SLFN5: variants seen among roughly 807,000 people sequenced by gnomAD.
The protein encoded by SLFN5 is schlafen family member 5.
SLFN5 carries 34 observed loss-of-function variants against 48.5 expected under a neutral mutation model. That is an observed-to-expected ratio of 0.70 (90% CI 0.53 to 0.93). The LOEUF (loss-of-function observed/expected upper bound fraction) is 0.93. SLFN5 is among the 40% of genes least tolerant of loss of function. The probability of loss-of-function intolerance (pLI) is 0.00; values close to 1 mark genes in which losing one functional copy is unlikely to be tolerated. For synonymous variants in SLFN5, 387 were observed against 396.2 expected, an observed-to-expected ratio of 0.98 and a Z score of 0.28; for missense variants, 1,006 against 1,071.3, an observed-to-expected ratio of 0.94 and a Z score of 0.85.
intron 2 of SLFN5, among the ~76,000 whole-genome samples, chr17:35,260,682 C>T (rs1197148378): frequency 1.3e-5 from 2 of 152,126 alleles, no homozygotes; most frequent in African/African-American, 4.8e-5. Flanking sequence ...CACTGCACTC[C>T]AGCCTGGGCA....
chr17:35,258,999 C>A lies in SLFN5; in HGVS notation c.309C>A (p.Asn103Lys), dbSNP rs776906618. 1.2e-6 allele frequency: 2 copies of A among 1,614,026 alleles called. No homozygotes were observed. The highest frequency in any genetic ancestry group is 2.7e-5 in the African/African-American group (2 of 74,884). ...NHFLIFVKSWNTEAGVPLATL... is the reference protein window; with the variant it reads ...NHFLIFVKSWKTEAGVPLATL... ...TTTTGATTTTTGTGAAATCATGGAACACAGAGGCTGGTGTGCCACTTGCTA... is the reference window on the plus strand; with the variant it reads ...TTTTGATTTTTGTGAAATCATGGAAAACAGAGGCTGGTGTGCCACTTGCTA... Residue 103 changes from asparagine to lysine, a missense_variant, in exon 2 of 5, where the codon AAC (asparagine) becomes AAA (lysine). By Grantham distance (94) the Asn-to-Lys change is moderately conservative. Transcript: ENST00000299977.
chr17:35,246,462 C>G (rs930379525), intron 1 of SLFN5, among the ~76,000 whole-genome samples: 1 of 152,106 alleles, frequency 6.6e-6, no homozygotes, highest in Non-Finnish European at 1.5e-5. Context: ...CTCCTGTTGC[C>G]CCCTCCTCTG....
At position 35,261,127 on chromosome 17, in the gene SLFN5, A is replaced by G. The variant is rs372466748; in HGVS notation, c.1138+31A>G. On this transcript the variant is annotated intron_variant, in intron 3 of 4. Transcript: ENST00000299977. ...TGGCCATCTCTGGTTGCTTTGGAAT[A>G]TGTTGATTGTTCATTCATATAAAAA... 13 of 1,604,942 alleles carry G rather than the reference A, an allele frequency of 8.1e-6. No individual in the cohort carries two copies. The African/African-American group carries it at 1.6e-4, about 20-fold the overall frequency.
intron 1 of SLFN5, among the ~76,000 whole-genome samples, chr17:35,250,159 C>T (rs539105550): frequency 3.9e-5 from 6 of 152,322 alleles, no homozygotes; most frequent in African/African-American, 1.4e-4. Context: ...CCCAGTAGTG[C>T]CTAACCCACA....
chr17:35,265,462 G>A lies in SLFN5; in HGVS notation c.2250G>A (p.Trp750Ter). The A allele has an allele frequency of 6.2e-7, 1 of 1,614,202 alleles. No individual in the cohort carries two copies. Among genetic ancestry groups the A allele is most frequent in the South Asian group, 1.1e-5 (1 of 91,080 alleles). Residue 750 changes from tryptophan to a stop codon, truncating the protein, a stop_gained, in exon 5 of 5, where the codon TGG becomes TGA. Transcript: ENST00000299977. LOFTEE classifies it low-confidence loss of function (END_TRUNC). Reference protein sequence around the residue: ...GSLVMLYEPKWAQGVPGNLEI... With the variant: ...GSLVMLYEPK ...TGGTGATGCTCTATGAACCTAAATG[G>A]GCTCAAGGTGTCCCAGGCAACTTAG...
At chr17:35,264,148 C>A (rs753404941) in intron 3 of SLFN5, 35 bp from the exon 4 acceptor site, 1 of 1,533,404 alleles carries the variant, frequency 6.5e-7, no homozygotes, top group South Asian at 1.3e-5. Flanking sequence ...TTGTCTGAGG[C>A]TTTTCTAATT....
rs570513963 is a variant in SLFN5 at position 35,270,709 on chromosome 17, T to A, written c.*4821T>A. 9.2e-5 allele frequency: 14 copies of A among 152,358 alleles called. No homozygotes were observed. The highest frequency in any genetic ancestry group is 3.4e-4 in the African/African-American group (14 of 41,582). 9.4% of individuals were successfully genotyped at this position (152,358 alleles called of 1,614,324 possible). On this transcript the variant is annotated 3_prime_UTR_variant, in exon 5 of 5. Transcript: ENST00000299977. ...CCATTTATTGTGAGAGGCTTCTCTA[T>A]GCACTGTAGGATGTTTAGCAGCATC...
intron 1 of SLFN5, among the ~76,000 whole-genome samples, chr17:35,244,928 C>A (rs1352482056): frequency 6.6e-6 from 1 of 151,752 alleles, no homozygotes; most frequent in Non-Finnish European, 1.5e-5. Context: ...AGAAAATAAG[C>A]AGTTTTATTA....
intron 3 of SLFN5, 93 bp downstream of exon 3, chr17:35,261,189 C>T (rs1267571578): frequency 1.4e-6 from 2 of 1,425,710 alleles, no homozygotes; most frequent in Non-Finnish European, 1.9e-6. Flanking sequence ...AGAATCAATT[C>T]CAGAGGTTTA....
rs761032742 is a variant in SLFN5, at chr17:35,259,331, A to G, written c.641A>G (p.Lys214Arg). The change falls in exon 2 of 5, where the codon AAG becomes AGG. Residue 214 changes from lysine to arginine, a missense_variant. Physicochemically the swap from Lys to Arg is conservative, Grantham distance 26. Coordinates refer to ENST00000299977, the MANE Select transcript of SLFN5 (RefSeq NM_144975.4). ...CACTGTGTTAAAGACAGACTTCCGA[A>G]GTGTGTTTCTGCATTTGCAAATACT... ...VSHCVKDRLP[K>R]CVSAFANTEG... The G allele has an allele frequency of 6.2e-7, 1 of 1,614,138 alleles. No individual in the cohort carries two copies. The highest frequency in any genetic ancestry group is 1.3e-5 in the African/African-American group (1 of 75,024).
chr17:35,258,864 C>A lies in SLFN5; in HGVS notation c.174C>A (p.Ile58=), dbSNP rs138878596. The change falls in exon 2 of 5, where the codon ATC becomes ATA. Residue 58 remains isoleucine (I), a synonymous_variant. Coordinates refer to ENST00000299977, the MANE Select transcript of SLFN5 (RefSeq NM_144975.4). The stretch of plus-strand genomic sequence containing the variant: ...TGCTGAATTCTGGTGGGGGCATAAT[C>A]AAGGCTGAGATTGAGAACAAAGGCT... ...CALLNSGGGI[I]KAEIENKGYN... 19 of 1,614,142 alleles carry A rather than the reference C, an allele frequency of 1.2e-5. No homozygotes were observed. In the East Asian group the frequency reaches 3.6e-4, roughly 30 times the overall value.
At chr17:35,260,874 G>A (rs1002813002) in intron 2 of SLFN5, 97 bp from the exon 3 acceptor site, 5 of 1,452,480 alleles carry the variant, frequency 3.4e-6, no homozygotes, top group Middle Eastern at 2.3e-4. Context: ...GCCGTGGCTT[G>A]AGTTGTAAGA....
rs758490918 is a variant in SLFN5 at position 35,259,472 on chromosome 17, A to G, written c.782A>G (p.Lys261Arg). ...GCTTCTATTGATGGCTGTATTAAGA[A>G]GCTACCTGTCCATCATTTCTGCACA... ...LRASIDGCIKKLPVHHFCTQR... is the reference protein window; with the variant it reads ...LRASIDGCIKRLPVHHFCTQR... Residue 261 changes from lysine (K) to arginine (R), a missense_variant, in exon 2 of 5, where the codon AAG (lysine) becomes AGG (arginine). Transcript: ENST00000299977. The G allele has an allele frequency of 3.1e-6, 5 of 1,614,240 alleles. No homozygotes were observed. The highest frequency in any genetic ancestry group is 4.2e-6 in the Non-Finnish European group (5 of 1,180,052).
rs1311648102 is a variant in SLFN5 at position 35,264,479 on chromosome 17, G to A, written c.1435G>A (p.Val479Met). Residue 479 changes from valine (V) to methionine (M), a missense_variant, in exon 4 of 5, where the codon GTG becomes ATG. By Grantham distance (21) the Val-to-Met change is conservative. Coordinates refer to ENST00000299977, the MANE Select transcript of SLFN5 (RefSeq NM_144975.4). ...TGCCTATTCTTTGAAGCAGAAGCTG[G>A]TGAACAAAGGCGGCTACACTGGGAG... ...IVAYSLKQKL[V>M]NKGGYTGRLC... 2 of 1,614,016 alleles carry A rather than the reference G, an allele frequency of 1.2e-6. No homozygotes were observed. Among genetic ancestry groups the A allele is most frequent in the African/African-American group, 1.3e-5 (1 of 74,888 alleles).
At chr17:35,248,962 A>C (rs543075183) in intron 1 of SLFN5, among the ~76,000 whole-genome samples, 3 of 152,294 alleles carry the variant, frequency 2.0e-5, no homozygotes, top group African/African-American at 7.2e-5. Flanking sequence ...GGGTTTTAAA[A>C]AAAAGGATCC....
chr17:35,256,261 A>G (rs1374953340), intron 1 of SLFN5, among the ~76,000 whole-genome samples: 1 of 152,172 alleles, frequency 6.6e-6, no homozygotes, highest in African/African-American at 2.4e-5. Flanking sequence ...CGGGAGGCTG[A>G]GGCAGGAGAA....
At chr17:35,258,285 T>C (rs1309390750) in intron 1 of SLFN5, among the ~76,000 whole-genome samples, 1 of 151,798 alleles carries the variant, frequency 6.6e-6, no homozygotes, top group East Asian at 1.9e-4. Context: ...GGCTGGGGAG[T>C]CCTGACAATC....
In SLFN5 at chr17:35,271,914, C is replaced by T. The variant is rs539407763; in HGVS notation, c.*6026C>T. 1 of 152,184 alleles carries T rather than the reference C, an allele frequency of 6.6e-6. No individual in the cohort carries two copies. The highest frequency in any genetic ancestry group is 2.1e-4 in the South Asian group (1 of 4,820). 9.4% of individuals were successfully genotyped at this position (152,184 alleles called of 1,614,324 possible). On this transcript the variant is annotated 3_prime_UTR_variant, in exon 5 of 5. Transcript: ENST00000299977. ...GGTGTGGTGGTGTGCACCTATAGTC[C>T]TAGCTACTCGGGAGGCTGAGGTGGG...
intron 1 of SLFN5, among the ~76,000 whole-genome samples, chr17:35,243,497 T>C (rs2092423736): frequency 6.6e-6 from 1 of 152,102 alleles, no homozygotes; most frequent in South Asian, 2.1e-4. Context: ...AACGACGAAA[T>C]CGGGGCTCCC....
Sources: allele counts gnomAD v4.1 joint callset (sites outside exome capture counted in the v4.1 genomes callset), GRCh38; gene constraint gnomAD v4.1.1; transcripts MANE v1.5; gene names NCBI Gene and HGNC (gene_info 2026-07-23, HGNC 2026-07-21).